The following RIMBP2 variants were observed in gnomAD, a reference collection of about 807,000 sequenced individuals.
RIMBP2 encodes RIMS-binding protein 2.
RIMBP2 carries 48 observed loss-of-function variants against 118.6 expected under a neutral mutation model. The observed-to-expected ratio is 0.40, with a 90% CI of 0.32 to 0.51. The LOEUF (loss-of-function observed/expected upper bound fraction) is 0.51. Ranked by LOEUF, RIMBP2 falls within the 20% of genes least tolerant of loss-of-function variation. The pLI is 0.41. For synonymous variants in RIMBP2, 762 were observed against 742.9 expected, an observed-to-expected ratio of 1.03 and a Z score of -0.42; for missense variants, 1,551 against 1,768.3, an observed-to-expected ratio of 0.88 and a Z score of 2.20.
At chr12:130,405,609 C>G (rs1301423216) in intron 21 of RIMBP2, among the ~76,000 whole-genome samples, 1 of 151,114 alleles carries the variant, frequency 6.6e-6, no homozygotes, top group Non-Finnish European at 1.5e-5. Context: ...AAGACATGCT[C>G]CAGGGGAACA....
chr12:130,449,504 G>T (rs369417025), intron 9 of RIMBP2, among the ~76,000 whole-genome samples: 97 of 152,214 alleles, frequency 6.4e-4, no homozygotes, highest in Middle Eastern at 6.8e-3. Context: ...CCCAGCAGAG[G>T]GTGAGGATGC....
intron 4 of RIMBP2, among the ~76,000 whole-genome samples, chr12:130,496,615 C>T (rs944869676): frequency 1.3e-5 from 2 of 151,904 alleles, no homozygotes; most frequent in African/African-American, 4.8e-5. Context: ...ACGTTCCCAT[C>T]ACCCTGAGCC....
Position 130,525,501 on chromosome 12 carries a change from C to A in RIMBP2, c.-216-7584G>T, listed in dbSNP as rs1593649364. On this transcript the variant is annotated intron_variant, in intron 2 of 22. Coordinates refer to ENST00000690449, the MANE Select transcript of RIMBP2 (RefSeq NM_001393629.1). This position sits in a 1 kb window ranked among gnomAD's most constrained non-coding sequence, Gnocchi z 4.4. ...GTAGAGAATGCCCTGGAGGCAGTCA[C>A]AGAGTCAGTAACTCCTCCTTCCTCC... is the stretch of plus-strand genomic sequence containing the variant. 6.6e-6 allele frequency among the ~76,000 whole-genome samples: 1 copy of A among 152,272 alleles called. No homozygotes were observed. Among genetic ancestry groups the A allele is most frequent in the South Asian group, 2.1e-4 (1 of 4,824 alleles).
At chr12:130,552,545 T>C (rs1186984563) in intron 2 of RIMBP2, among the ~76,000 whole-genome samples, 2 of 152,170 alleles carry the variant, frequency 1.3e-5, no homozygotes, top group Non-Finnish European at 2.9e-5. Context: ...CACTAAAATA[T>C]GACATCTTAA....
chr12:130,451,084 A>AGGAAGACAGGGAGGAAGATGGGGAAG (rs1158000918), intron 8 of RIMBP2, 111 bp downstream of exon 8: 3 of 1,266,568 alleles, frequency 2.4e-6, no homozygotes, highest in Admixed American at 3.9e-5. Context: ...ACCAACCAGA[A>AGGAAGACAGGGAGGAAGATGGGGAAG]GGAAGACAGG....
intron 2 of RIMBP2, among the ~76,000 whole-genome samples, chr12:130,535,463 A>G (rs532865951): frequency 6.6e-6 from 1 of 152,180 alleles, no homozygotes; most frequent in African/African-American, 2.4e-5. Flanking sequence ...GCAGTGAGCC[A>G]AGATCATGCC....
intron 19 of RIMBP2, among the ~76,000 whole-genome samples, chr12:130,409,373 C>A (rs34666043): frequency 0.26 from 32,515 of 124,064 alleles, 4,679 homozygotes; most frequent in Middle Eastern, 0.44. Context: ...GATGGACTCT[C>A]GCTCTGTCGC....
chr12:130,615,725 C>G (rs1366097223), intron 2 of RIMBP2, among the ~76,000 whole-genome samples: 2 of 152,042 alleles, frequency 1.3e-5, no homozygotes, highest in African/African-American at 4.8e-5. Context: ...GCATTGCTTA[C>G]CTGGGCTATG....
intron 6 of RIMBP2, among the ~76,000 whole-genome samples, chr12:130,468,685 G>GCGAGGC (rs1431699562): frequency 6.6e-6 from 1 of 152,194 alleles, no homozygotes; most frequent in African/African-American, 2.4e-5. Flanking sequence ...ACGGAAGGTT[G>GCGAGGC]TGAGGCTCAG....
intron 2 of RIMBP2, among the ~76,000 whole-genome samples, chr12:130,587,264 A>G (rs1474055131): frequency 1.1e-4 from 14 of 123,542 alleles, no homozygotes; most frequent in African/African-American, 4.1e-4. Context: ...TGTGGAAGTC[A>G]GTGTGGCGAT....
At chr12:130,524,387 C>T (rs1315854668) in intron 2 of RIMBP2, among the ~76,000 whole-genome samples, 1 of 151,894 alleles carries the variant, frequency 6.6e-6, no homozygotes, top group Non-Finnish European at 1.5e-5. Context: ...CAAGCAGAGC[C>T]CAGCCAGGCT....
At chr12:130,549,101 A>G (rs2055475380) in intron 2 of RIMBP2, among the ~76,000 whole-genome samples, 1 of 152,188 alleles carries the variant, frequency 6.6e-6, no homozygotes, top group Admixed American at 6.5e-5. Context: ...AAATGCAGAC[A>G]TAGGGGATTT....
At chr12:130,615,496 A>G (rs1239206631) in intron 2 of RIMBP2, among the ~76,000 whole-genome samples, 1 of 151,692 alleles carries the variant, frequency 6.6e-6, no homozygotes, top group Admixed American at 6.6e-5. Flanking sequence ...TTTTCAGTAG[A>G]GACGGGTTTT....
rs367801267 is a variant in RIMBP2 at position 130,399,091 on chromosome 12, C to T, written c.3900+588G>A. Reference sequence around the variant, plus strand: ...AGGTAGCTTAAGTTGGTATCTTTATCGGTATCTTCAGTTGCTCACTTACGT... The same window carrying T: ...AGGTAGCTTAAGTTGGTATCTTTATTGGTATCTTCAGTTGCTCACTTACGT... On this transcript the variant is annotated intron_variant, in intron 22 of 22. Coordinates refer to ENST00000690449, the MANE Select transcript of RIMBP2 (RefSeq NM_001393629.1). The T allele has an allele frequency of 2.0e-5, 26 of 1,312,534 alleles. No individual in the cohort carries two copies. The East Asian group carries it at 4.4e-4, about 22-fold the overall frequency. 81.3% of individuals were successfully genotyped at this position (1,312,534 alleles called of 1,614,324 possible). A position where few individuals can be genotyped will look rare whatever the true frequency, so the allele number is the denominator to read the frequency against.
intron 4 of RIMBP2, among the ~76,000 whole-genome samples, chr12:130,504,552 G>A (rs936744927): frequency 6.6e-6 from 1 of 152,138 alleles, no homozygotes; most frequent in African/African-American, 2.4e-5. Context: ...CCTTGCAGCT[G>A]GAAAGGCAAG....
intron 15 of RIMBP2, chr12:130,425,653 C>A (rs1285609304): frequency 6.6e-6 from 1 of 152,634 alleles, no homozygotes; most frequent in African/African-American, 2.4e-5. Context: ...CGTCTGCACG[C>A]CATCACTCTC....
chr12:130,524,931 G>A lies in RIMBP2; in HGVS notation c.-216-7014C>T, dbSNP rs76933587. ...CAGGTTTAAGGGATGGGGCACGTTCGGTTGCGCTGGGGCTTGGTGAGTGTG... is the reference window on the plus strand; with the variant it reads ...CAGGTTTAAGGGATGGGGCACGTTCAGTTGCGCTGGGGCTTGGTGAGTGTG... On this transcript the variant is annotated intron_variant, in intron 2 of 22. Transcript: ENST00000690449. Among the ~76,000 whole-genome samples, 59 of 152,318 alleles carry A rather than the reference G, an allele frequency of 3.9e-4. No homozygotes were observed. The East Asian group carries it at 8.3e-3, about 21-fold the overall frequency.
chr12:130,542,173 G>A (rs2054681414), intron 2 of RIMBP2, among the ~76,000 whole-genome samples: 1 of 152,216 alleles, frequency 6.6e-6, no homozygotes, highest in African/African-American at 2.4e-5. Context: ...AAAGGATGCT[G>A]GCTAGGAAAT....
rs551431410 is a variant in RIMBP2, at chr12:130,498,872, G to T, written c.-4+7776C>A. ...TGTAGCTGCCCAGTCAACCCACACA[G>T]CCATGAGACATCAACACAAATCACT... is the stretch of plus-strand genomic sequence containing the variant. On this transcript the variant is annotated intron_variant, in intron 4 of 22. Coordinates refer to ENST00000690449, the MANE Select transcript of RIMBP2 (RefSeq NM_001393629.1). Among the ~76,000 whole-genome samples the T allele has an allele frequency of 8.5e-5, 13 of 152,282 alleles. No homozygotes were observed. The East Asian group carries it at 2.5e-3, about 29-fold the overall frequency.
Sources: gnomAD v4.1 joint callset for allele counts (sites outside exome capture counted in the v4.1 genomes callset) on GRCh38, gnomAD v4.1.1 for gene constraint, Gnocchi (gnomAD v3.1) non-coding constraint, MANE v1.5 for transcripts, NCBI Gene and HGNC (gene_info 2026-07-23, HGNC 2026-07-21) for gene names.